The following PTPDC1 variants were observed in gnomAD, a reference collection of about 807,000 sequenced individuals.
PTPDC1 encodes protein tyrosine phosphatase domain-containing protein 1.
PTPDC1 carries 53 observed loss-of-function variants against 75.3 expected under a neutral mutation model. The ratio of observed to expected loss-of-function variants is 0.70; its 90% CI spans 0.56 to 0.88. The LOEUF (loss-of-function observed/expected upper bound fraction) is 0.88, where lower values mean the gene tolerates loss of function less well. Among genes scored for constraint, PTPDC1 ranks in the 40% least tolerant of loss-of-function variants. PTPDC1 has a pLI of 0.00. For synonymous variants in PTPDC1, 349 were observed against 366.2 expected (o/e 0.95, Z 0.54); for missense variants, 925 against 998.6 (o/e 0.93, Z 0.99).
chr9:94,102,991 T>TACATACAC (rs1827895368), intron 7 of PTPDC1, among the ~76,000 whole-genome samples: 1 of 148,876 alleles, frequency 6.7e-6, no homozygotes. Flanking sequence ...CTGCTGTTAC[T>TACATACAC]ACACACACAC....
chr9:94,073,882 TC>T (rs1329137078), intron 2 of PTPDC1, among the ~76,000 whole-genome samples: 4 of 152,210 alleles, frequency 2.6e-5, no homozygotes, highest in African/African-American at 9.7e-5. Flanking sequence ...ATTTCCCAAG[TC>T]TTTGGAGTTT....
At chr9:94,105,184 T>C (rs1827971484) in intron 8 of PTPDC1, among the ~76,000 whole-genome samples, 1 of 152,236 alleles carries the variant, frequency 6.6e-6, no homozygotes, top group South Asian at 2.1e-4. Context: ...GTGATGTTCT[T>C]ACTTCAGGCC....
chr9:94,088,261 G>A lies in PTPDC1; in HGVS notation c.614G>A (p.Gly205Asp), dbSNP rs2117989503. ...TYLPEAFMEA[G>D]IYFYNFGWKD... ...CTTCCTGAGGCTTTCATGGAGGCTG[G>A]CAGTAAGTTCCTCCCACCCTCCTCT... Residue 205 changes from glycine (G) to aspartate (D), a missense_variant and splice_region_variant, in exon 4 of 9, where the codon GGC becomes GAC. Transcript: ENST00000620992. 2 of 1,613,452 alleles carry A rather than the reference G, an allele frequency of 1.2e-6. No individual in the cohort carries two copies. The highest frequency in any genetic ancestry group is 1.7e-6 in the Non-Finnish European group (2 of 1,179,776).
intron 2 of PTPDC1, among the ~76,000 whole-genome samples, chr9:94,070,369 G>C (rs925560326): frequency 3.9e-5 from 6 of 152,108 alleles, no homozygotes; most frequent in Non-Finnish European, 8.8e-5. Flanking sequence ...TGCCTGCCTT[G>C]TGTTGCCCTG....
chr9:94,095,448 CG>C lies in PTPDC1; in HGVS notation c.749del (p.Arg250GlnfsTer5), dbSNP rs1827528639. Reference protein sequence around the residue: ...VAIHCHAGLGRTGVLIACYLV... With the variant: ...VAIHCHAGLGXTGVLIACYLV... ...TATCCATTGTCATGCAGGGCTTGGT[CG>C]AACAGGTAGGTCCTAAGAGGTGGTT... On this transcript the variant is annotated frameshift_variant, in exon 5 of 9. Coordinates refer to ENST00000620992, the MANE Select transcript of PTPDC1 (RefSeq NM_001253829.2). LOFTEE classifies it high-confidence loss of function. 2 of 1,612,022 alleles carry C rather than the reference CG, an allele frequency of 1.2e-6. No individual in the cohort carries two copies. Among genetic ancestry groups the C allele is most frequent in the Non-Finnish European group, 8.5e-7 (1 of 1,179,118 alleles).
At chr9:94,083,417 G>A (rs940150302), upstream of PTPDC1, among the ~76,000 whole-genome samples, 10 of 151,816 alleles carry the variant, frequency 6.6e-5, no homozygotes, top group Non-Finnish European at 8.8e-5. Flanking sequence ...AGATGGGGGC[G>A]GCATTTTAAA....
chr9:94,101,768 AC>A lies in PTPDC1; in HGVS notation c.2199+19del. 1 of 1,571,794 alleles carries A rather than the reference AC, an allele frequency of 6.4e-7. No individual in the cohort carries two copies. Among genetic ancestry groups the A allele is most frequent in the Non-Finnish European group, 8.7e-7 (1 of 1,147,176 alleles). On this transcript the variant is annotated intron_variant, in intron 7 of 8. Coordinates refer to ENST00000620992, the MANE Select transcript of PTPDC1 (RefSeq NM_001253829.2). ...TTAGAGAAGGTAAAGTGGCTGTAGG[AC>A]CAGTTAATGACTGTAACTGAGGCCC...
intron 1 of PTPDC1, among the ~76,000 whole-genome samples, chr9:94,031,490 A>G (rs992344901): frequency 6.6e-6 from 1 of 152,100 alleles, no homozygotes; most frequent in Non-Finnish European, 1.5e-5. Flanking sequence ...AAGCCAAGCA[A>G]AAGACATTTA....
chr9:94,040,073 C>CAA (rs953604279), intron 1 of PTPDC1, among the ~76,000 whole-genome samples: 1 of 152,038 alleles, frequency 6.6e-6, no homozygotes, highest in Non-Finnish European at 1.5e-5. Context: ...AAAGAAGGAG[C>CAA]AAAAAACAGA....
chr9:94,036,873 C>T (rs1825289482), intron 1 of PTPDC1, among the ~76,000 whole-genome samples: 1 of 152,198 alleles, frequency 6.6e-6, no homozygotes, highest in African/African-American at 2.4e-5. Flanking sequence ...ACCATTTGTT[C>T]CCTTGACGCC....
intron 8 of PTPDC1, among the ~76,000 whole-genome samples, chr9:94,106,306 TCTGGAGAGCTCTGC>T (rs1828021958): frequency 6.6e-6 from 1 of 152,308 alleles, no homozygotes; most frequent in East Asian, 1.9e-4. Flanking sequence ...TTCACTAATG[TCTGGAGAGCTCTGC>T]CTGGAGAGCA....
rs968613346 is a variant in PTPDC1 at position 94,109,551 on chromosome 9, G to A, written c.*1607G>A. ...CAAGTGCCTGGCCTGGGAAAGAAGG[G>A]GAAGAAACAATTGCATTATATCCAA... On this transcript the variant is annotated 3_prime_UTR_variant, in exon 9 of 9. Coordinates refer to ENST00000620992, the MANE Select transcript of PTPDC1 (RefSeq NM_001253829.2). 6.6e-6 allele frequency: 1 copy of A among 151,934 alleles called. No homozygotes were observed. Among genetic ancestry groups the A allele is most frequent in the African/African-American group, 2.4e-5 (1 of 41,260 alleles). 9.4% of individuals were successfully genotyped at this position (151,934 alleles called of 1,614,324 possible).
At chr9:94,048,182 G>T (rs1226320023) in intron 1 of PTPDC1, among the ~76,000 whole-genome samples, 3 of 152,054 alleles carry the variant, frequency 2.0e-5, no homozygotes, top group Admixed American at 6.6e-5. Context: ...TTTTTTGAAG[G>T]GTTTTTTGTG....
At chr9:94,039,685 A>G (rs1434255975) in intron 1 of PTPDC1, among the ~76,000 whole-genome samples, 1 of 152,164 alleles carries the variant, frequency 6.6e-6, no homozygotes, top group Non-Finnish European at 1.5e-5. Flanking sequence ...GCAGTGAGCC[A>G]TGATCATGCC....
chr9:94,048,497 C>T (rs1017413642), intron 1 of PTPDC1, among the ~76,000 whole-genome samples: 11 of 152,136 alleles, frequency 7.2e-5, no homozygotes, highest in Admixed American at 2.0e-4. Context: ...TGTTCAGTTT[C>T]CATGTAGTTG....
chr9:94,064,951 A>G, intron 2 of PTPDC1: 1 of 664,944 alleles, frequency 1.5e-6, no homozygotes, highest in Non-Finnish European at 2.6e-6. Flanking sequence ...AGTATTACTT[A>G]CTGCCTTACC....
At chr9:94,082,885 C>T (rs1046542788), upstream of PTPDC1, among the ~76,000 whole-genome samples, 10 of 152,174 alleles carry the variant, frequency 6.6e-5, no homozygotes, top group Non-Finnish European at 1.5e-4. Flanking sequence ...CAAATAAGTC[C>T]TACCCCTACC....
intron 1 of PTPDC1, among the ~76,000 whole-genome samples, chr9:94,045,214 G>A (rs1351288637): frequency 6.6e-6 from 1 of 151,896 alleles, no homozygotes; most frequent in African/African-American, 2.4e-5. Flanking sequence ...TGCTGTATAT[G>A]TGTCACATTT....
Position 94,098,488 on chromosome 9 carries a change from A to C in PTPDC1, c.1922A>C (p.Glu641Ala). 1.2e-6 allele frequency: 2 copies of C among 1,614,222 alleles called. No individual in the cohort carries two copies. The highest frequency in any genetic ancestry group is 1.7e-6 in the Non-Finnish European group (2 of 1,180,016). ...HSALQSELSAEARRILAAKAL... is the reference protein window; with the variant it reads ...HSALQSELSAAARRILAAKAL... ...GCATTACAGTCTGAATTGAGTGCTGAGGCAAGAAGAATACTGGCGGCCAAA... is the reference window on the plus strand; with the variant it reads ...GCATTACAGTCTGAATTGAGTGCTGCGGCAAGAAGAATACTGGCGGCCAAA... Residue 641 changes from glutamate to alanine, a missense_variant, in exon 6 of 9, where the codon GAG becomes GCG. By Grantham distance (107) the Glu-to-Ala change is moderately radical. Transcript: ENST00000620992.
Sources: gnomAD v4.1 joint callset for allele counts (sites outside exome capture counted in the v4.1 genomes callset) on GRCh38, gnomAD v4.1.1 for gene constraint, MANE v1.5 for transcripts, NCBI Gene and HGNC (gene_info 2026-07-23, HGNC 2026-07-21) for gene names.